ZFP36: variants seen among roughly 807,000 people sequenced by gnomAD.
ZFP36 encodes the protein mRNA decay activator protein ZFP36.
ZFP36 carries 13 observed loss-of-function variants against 19.8 expected under a neutral mutation model. The ratio of observed to expected loss-of-function variants is 0.66; its 90% CI spans 0.43 to 1.04. The LOEUF is 1.04. ZFP36 is among the 50% of genes least tolerant of loss of function. The pLI is 0.00. For missense variants in ZFP36, 354 were observed against 441.6 expected (o/e 0.80, Z 1.78); for synonymous variants, 191 against 194.5 (o/e 0.98, Z 0.15).
Position 39,407,812 on chromosome 19 carries a change from TG to T in ZFP36, c.98del (p.Gly33AlafsTer8). ...TGGAGGGACTGAGTCCAGCCCAGGC[TG>T]GGGCTCCTCGGGACCCTGGAGCCTG... ...DHGGTESSPG[W>X]GSSGPWSLSP... On this transcript the variant is annotated frameshift_variant, in exon 2 of 2. Transcript: ENST00000597629. LOFTEE classifies it high-confidence loss of function. The surrounding 1 kb of genome is among the most constrained non-coding windows in gnomAD (Gnocchi z 7.6). 2 of 1,600,230 alleles carry T rather than the reference TG, an allele frequency of 1.2e-6. No homozygotes were observed. Among genetic ancestry groups the T allele is most frequent in the Non-Finnish European group, 8.5e-7 (1 of 1,175,236 alleles).
In ZFP36 at chr19:39,407,886, C is replaced by A. The variant is rs746782749; in HGVS notation, c.168C>A (p.Gly56=). 8.1e-6 allele frequency: 13 copies of A among 1,604,114 alleles called. No homozygotes were observed. In the East Asian group the frequency reaches 2.2e-4, roughly 27 times the overall value. Residue 56 remains glycine, a synonymous_variant, in exon 2 of 2, where the codon GGC becomes GGA. Transcript: ENST00000597629. The surrounding 1 kb of genome is among the most constrained non-coding windows in gnomAD (Gnocchi z 7.6). ...CTGGGGTCACCTCCCGCCTGCCTGG[C>A]CGCTCCACCAGCCTAGTGGAGGGCC... ...SPSGVTSRLP[G]RSTSLVEGRS...
In ZFP36 at chr19:39,407,931, C is replaced by G; in HGVS notation, c.213C>G (p.Pro71=). 1 of 1,596,116 alleles carries G rather than the reference C, an allele frequency of 6.3e-7. No homozygotes were observed. Among genetic ancestry groups the G allele is most frequent in the East Asian group, 2.2e-5 (1 of 44,744 alleles). Residue 71 remains proline, a synonymous_variant, in exon 2 of 2, where the codon CCC becomes CCG. Transcript: ENST00000597629. This position sits in a 1 kb window ranked among gnomAD's most constrained non-coding sequence, Gnocchi z 7.6. ...AGGGCCGCAGCTGTGGCTGGGTGCC[C>G]CCACCCCCTGGCTTCGCACCGCTGG... ...LVEGRSCGWV[P]PPPGFAPLAP...
At position 39,407,105 on chromosome 19, in the gene ZFP36, TG is replaced by T; in HGVS notation, c.24+179del. On this transcript the variant is annotated intron_variant, in intron 1 of 1. Coordinates refer to ENST00000597629, the MANE Select transcript of ZFP36 (RefSeq NM_003407.5). This position sits in a 1 kb window ranked among gnomAD's most constrained non-coding sequence, Gnocchi z 7.6. ...TCCCGCTCAGACCAGCTTGGTGATT[TG>T]GAGGTGAAAATGGAACCCGCGACAC... 1 of 683,820 alleles carries T rather than the reference TG, an allele frequency of 1.5e-6. No individual in the cohort carries two copies. Among genetic ancestry groups the T allele is most frequent in the Non-Finnish European group, 2.3e-6 (1 of 434,310 alleles). 42.4% of individuals were successfully genotyped at this position (683,820 alleles called of 1,614,324 possible).
Position 39,408,919 on chromosome 19 carries a change from C to G in ZFP36, c.*220C>G. ...ATGATGGTGGGGGATGGAGTGTCTT[C>G]CGAGGTTCTTGGGGGAAAAAAAATT... On this transcript the variant is annotated 3_prime_UTR_variant, in exon 2 of 2. Coordinates refer to ENST00000597629, the MANE Select transcript of ZFP36 (RefSeq NM_003407.5). The surrounding 1 kb of genome is among the most constrained non-coding windows in gnomAD (Gnocchi z 6.0). The G allele has an allele frequency of 2.3e-6, 1 of 439,712 alleles. No individual in the cohort carries two copies. The highest frequency in any genetic ancestry group is 4.0e-6 in the Non-Finnish European group (1 of 252,130). 27.2% of individuals were successfully genotyped at this position (439,712 alleles called of 1,614,324 possible).
In ZFP36 at chr19:39,408,783, C is replaced by A; in HGVS notation, c.*84C>A. On this transcript the variant is annotated 3_prime_UTR_variant, in exon 2 of 2. Coordinates refer to ENST00000597629, the MANE Select transcript of ZFP36 (RefSeq NM_003407.5). This position sits in a 1 kb window ranked among gnomAD's most constrained non-coding sequence, Gnocchi z 6.0. ...TGTGGTCTCTGCATGGACCCCAGGG[C>A]TGTGGGGACTTGGGGGACAGTAATC... is the stretch of plus-strand genomic sequence containing the variant. 7.5e-7 allele frequency: 1 copy of A among 1,334,920 alleles called. No individual in the cohort carries two copies. Among genetic ancestry groups the A allele is most frequent in the Non-Finnish European group, 1.0e-6 (1 of 987,042 alleles). The allele number at this position is 1,334,920 out of a possible 1,614,324, so 82.7% of individuals were successfully genotyped here.
Position 39,408,749 on chromosome 19 carries a change from C to T in ZFP36, c.*50C>T. Reference sequence around the variant, plus strand: ...GCTGGATCTCAGCGGGGAGCCACGTCTCTTGCACTGTGGTCTCTGCATGGA... The same window carrying T: ...GCTGGATCTCAGCGGGGAGCCACGTTTCTTGCACTGTGGTCTCTGCATGGA... On this transcript the variant is annotated 3_prime_UTR_variant, in exon 2 of 2. Coordinates refer to ENST00000597629, the MANE Select transcript of ZFP36 (RefSeq NM_003407.5). This position sits in a 1 kb window ranked among gnomAD's most constrained non-coding sequence, Gnocchi z 6.0. 1 of 1,500,260 alleles carries T rather than the reference C, an allele frequency of 6.7e-7. No individual in the cohort carries two copies. Among genetic ancestry groups the T allele is most frequent in the East Asian group, 2.3e-5 (1 of 44,194 alleles). The allele number at this position is 1,500,260 out of a possible 1,614,324, so 92.9% of individuals were successfully genotyped here. A position where few individuals can be genotyped will look rare whatever the true frequency, so the allele number is the denominator to read the frequency against.
Position 39,409,083 on chromosome 19 carries a change from C to T in ZFP36, c.*384C>T. 1 of 163,666 alleles carries T rather than the reference C, an allele frequency of 6.1e-6. No homozygotes were observed. The highest frequency in any genetic ancestry group is 1.9e-4 in the South Asian group (1 of 5,376). 10.1% of individuals were successfully genotyped at this position (163,666 alleles called of 1,614,324 possible). On this transcript the variant is annotated 3_prime_UTR_variant, in exon 2 of 2. Coordinates refer to ENST00000597629, the MANE Select transcript of ZFP36 (RefSeq NM_003407.5). ...TTATAGACCTGAGGTTCCAGTGTCT[C>T]CTGGTAACTGGAACCTCTCCTGAGG... is the stretch of plus-strand genomic sequence containing the variant.
Position 39,408,591 on chromosome 19 carries a change from G to C in ZFP36, c.873G>C (p.Leu291=), listed in dbSNP as rs201358160. 6.2e-7 allele frequency: 1 copy of C among 1,613,256 alleles called. No individual in the cohort carries two copies. Among genetic ancestry groups the C allele is most frequent in the Non-Finnish European group, 8.5e-7 (1 of 1,179,690 alleles). ...AATATGCCAGCAGCGGCAGCAGCCTGGGGGGCTCTGACTCTCCCGTCTTCG... is the reference window on the plus strand; with the variant it reads ...AATATGCCAGCAGCGGCAGCAGCCTCGGGGGCTCTGACTCTCCCGTCTTCG... ...PDEYASSGSS[L]GGSDSPVFEA... The change falls in exon 2 of 2, where the codon CTG becomes CTC. Residue 291 remains leucine, a synonymous_variant. Transcript: ENST00000597629. This position sits in a 1 kb window ranked among gnomAD's most constrained non-coding sequence, Gnocchi z 6.0.
chr19:39,408,301 C>T lies in ZFP36; in HGVS notation c.583C>T (p.Arg195Trp), dbSNP rs748286388. 6.2e-6 allele frequency: 10 copies of T among 1,613,380 alleles called. No homozygotes were observed. Among genetic ancestry groups the T allele is most frequent in the Middle Eastern group, 1.7e-4 (1 of 6,060 alleles). The change falls in exon 2 of 2, where the codon CGG becomes TGG. Residue 195 changes from arginine (R) to tryptophan (W), a missense_variant. Arg to Trp is a moderately radical substitution (Grantham distance 101, BLOSUM62 -3). Coordinates refer to ENST00000597629, the MANE Select transcript of ZFP36 (RefSeq NM_003407.5). This position sits in a 1 kb window ranked among gnomAD's most constrained non-coding sequence, Gnocchi z 6.0. Reference protein sequence around the residue: ...ISFSGLPSGRRTSPPPPGLAG... With the variant: ...ISFSGLPSGRWTSPPPPGLAG... Reference sequence around the variant, plus strand: ...CTTCTCCGGCCTGCCCTCTGGCCGCCGGACCTCACCACCACCACCAGGCCT... The same window carrying T: ...CTTCTCCGGCCTGCCCTCTGGCCGCTGGACCTCACCACCACCACCAGGCCT...
Position 39,408,360 on chromosome 19 carries a change from G to T in ZFP36, c.642G>T (p.Ser214=). The part of the protein sequence containing the change: ...AGPSLSSSSF[S]PSSSPPPPGD... The stretch of plus-strand genomic sequence containing the variant: ...CTTCCCTGTCCTCCAGCTCCTTCTC[G>T]CCCTCCAGCTCCCCACCACCACCTG... Residue 214 remains serine, a synonymous_variant, in exon 2 of 2, where the codon TCG becomes TCT. Coordinates refer to ENST00000597629, the MANE Select transcript of ZFP36 (RefSeq NM_003407.5). This position sits in a 1 kb window ranked among gnomAD's most constrained non-coding sequence, Gnocchi z 6.0. The T allele has an allele frequency of 6.8e-6, 11 of 1,613,396 alleles. No individual in the cohort carries two copies. The highest frequency in any genetic ancestry group is 9.3e-6 in the Non-Finnish European group (11 of 1,179,896).
chr19:39,407,884 G>A lies in ZFP36; in HGVS notation c.166G>A (p.Gly56Ser), dbSNP rs1034803584. The part of the protein sequence containing the change: ...SPSGVTSRLP[G>S]RSTSLVEGRS... ...GTCTGGGGTCACCTCCCGCCTGCCT[G>A]GCCGCTCCACCAGCCTAGTGGAGGG... The change falls in exon 2 of 2, where the codon GGC (glycine) becomes AGC (serine). Residue 56 changes from glycine (G) to serine (S), a missense_variant. By Grantham distance (56) the Gly-to-Ser change is moderately conservative. Transcript: ENST00000597629. The surrounding 1 kb of genome is among the most constrained non-coding windows in gnomAD (Gnocchi z 7.6). The A allele has an allele frequency of 1.2e-6, 2 of 1,604,322 alleles. No homozygotes were observed. The highest frequency in any genetic ancestry group is 1.3e-5 in the African/African-American group (1 of 74,996).
At position 39,408,131 on chromosome 19, in the gene ZFP36, G is replaced by A. The variant is rs2078487024; in HGVS notation, c.413G>A (p.Arg138His). The A allele has an allele frequency of 6.2e-7, 1 of 1,613,940 alleles. No individual in the cohort carries two copies. The highest frequency in any genetic ancestry group is 8.5e-7 in the Non-Finnish European group (1 of 1,180,014). The change falls in exon 2 of 2, where the codon CGC (arginine) becomes CAC (histidine). Residue 138 changes from arginine to histidine, a missense_variant. Coordinates refer to ENST00000597629, the MANE Select transcript of ZFP36 (RefSeq NM_003407.5). The surrounding 1 kb of genome is among the most constrained non-coding windows in gnomAD (Gnocchi z 6.0). ...HGLGELRQAN[R>H]HPKYKTELCH... ...CTGGGCGAGCTGCGCCAGGCCAATC[G>A]CCACCCCAAATACAAGACGGAACTC...
In ZFP36 at chr19:39,408,909, G is replaced by A. The variant is rs867688512; in HGVS notation, c.*210G>A. On this transcript the variant is annotated 3_prime_UTR_variant, in exon 2 of 2. Coordinates refer to ENST00000597629, the MANE Select transcript of ZFP36 (RefSeq NM_003407.5). The surrounding 1 kb of genome is among the most constrained non-coding windows in gnomAD (Gnocchi z 6.0). ...CTCAGTATTCATGATGGTGGGGGAT[G>A]GAGTGTCTTCCGAGGTTCTTGGGGG... The A allele has an allele frequency of 4.8e-5, 22 of 457,300 alleles. No individual in the cohort carries two copies. In the Middle Eastern group the frequency reaches 4.0e-3, roughly 83 times the overall value. The allele number at this position is 457,300 out of a possible 1,614,324, so 28.3% of individuals were successfully genotyped here. A position where few individuals can be genotyped will look rare whatever the true frequency, so the allele number is the denominator to read the frequency against.
Position 39,408,430 on chromosome 19 carries a change from A to T in ZFP36, c.712A>T (p.Thr238Ser). Residue 238 changes from threonine (T) to serine (S), a missense_variant, in exon 2 of 2, where the codon ACC becomes TCC. Coordinates refer to ENST00000597629, the MANE Select transcript of ZFP36 (RefSeq NM_003407.5). This position sits in a 1 kb window ranked among gnomAD's most constrained non-coding sequence, Gnocchi z 6.0. ...SPSAFSAAPGTPLARRDPTPV... is the reference protein window; with the variant it reads ...SPSAFSAAPGSPLARRDPTPV... ...CTCTGCCTTCTCTGCTGCCCCTGGC[A>T]CCCCCCTGGCTCGAAGAGACCCCAC... is the stretch of plus-strand genomic sequence containing the variant. 1 of 1,612,378 alleles carries T rather than the reference A, an allele frequency of 6.2e-7. No homozygotes were observed. The highest frequency in any genetic ancestry group is 8.5e-7 in the Non-Finnish European group (1 of 1,179,290).
Position 39,408,226 on chromosome 19 carries a change from G to A in ZFP36, c.508G>A (p.Glu170Lys), listed in dbSNP as rs2078487620. ...CTGCCACTTCATCCACAACCCTAGC[G>A]AAGACCTGGCGGCCCCGGGCCACCC... ...SRCHFIHNPS[E>K]DLAAPGHPPV... The change falls in exon 2 of 2, where the codon GAA becomes AAA. Residue 170 changes from glutamate to lysine, a missense_variant. Coordinates refer to ENST00000597629, the MANE Select transcript of ZFP36 (RefSeq NM_003407.5). The surrounding 1 kb of genome is among the most constrained non-coding windows in gnomAD (Gnocchi z 6.0). The A allele has an allele frequency of 6.2e-7, 1 of 1,613,912 alleles. No individual in the cohort carries two copies. The highest frequency in any genetic ancestry group is 1.1e-5 in the South Asian group (1 of 91,086).
rs1476026306 is a variant in ZFP36, at chr19:39,408,560, C to T, written c.842C>T (p.Pro281Leu). 17 of 1,613,572 alleles carry T rather than the reference C, an allele frequency of 1.1e-5. 1 individual carries two copies. In the South Asian group the frequency reaches 1.6e-4, roughly 16 times the overall value. ...TPSVQSLGSDPDEYASSGSSL... is the reference protein window; with the variant it reads ...TPSVQSLGSDLDEYASSGSSL... ...TCTGTACAGTCCCTGGGATCCGACC[C>T]TGATGAATATGCCAGCAGCGGCAGC... is the stretch of plus-strand genomic sequence containing the variant. Residue 281 changes from proline to leucine, a missense_variant, in exon 2 of 2, where the codon CCT becomes CTT. Physicochemically the swap from Pro to Leu is moderately conservative, Grantham distance 98 (BLOSUM62 -3). Transcript: ENST00000597629. The surrounding 1 kb of genome is among the most constrained non-coding windows in gnomAD (Gnocchi z 6.0).
In ZFP36 at chr19:39,408,864, C is replaced by A; in HGVS notation, c.*165C>A. The stretch of plus-strand genomic sequence containing the variant: ...CCACTCCCCTGACCTCACGCTGGGG[C>A]AGGTCCCCAAGTGTGCAAGCTCAGT... On this transcript the variant is annotated 3_prime_UTR_variant, in exon 2 of 2. Transcript: ENST00000597629. This position sits in a 1 kb window ranked among gnomAD's most constrained non-coding sequence, Gnocchi z 6.0. 1 of 615,622 alleles carries A rather than the reference C, an allele frequency of 1.6e-6. No individual in the cohort carries two copies. Among genetic ancestry groups the A allele is most frequent in the Non-Finnish European group, 2.6e-6 (1 of 384,404 alleles). 38.1% of individuals were successfully genotyped at this position (615,622 alleles called of 1,614,324 possible).
At position 39,408,421 on chromosome 19, in the gene ZFP36, G is replaced by A; in HGVS notation, c.703G>A (p.Ala235Thr). The A allele has an allele frequency of 6.2e-7, 1 of 1,613,602 alleles. No homozygotes were observed. Among genetic ancestry groups the A allele is most frequent in the Non-Finnish European group, 8.5e-7 (1 of 1,179,788 alleles). ...LPLSPSAFSA[A>T]PGTPLARRDP... ...ACTGTCACCCTCTGCCTTCTCTGCT[G>A]CCCCTGGCACCCCCCTGGCTCGAAG... The change falls in exon 2 of 2, where the codon GCC becomes ACC. Residue 235 changes from alanine to threonine, a missense_variant. Ala to Thr is a moderately conservative substitution (Grantham distance 58). Coordinates refer to ENST00000597629, the MANE Select transcript of ZFP36 (RefSeq NM_003407.5). The surrounding 1 kb of genome is among the most constrained non-coding windows in gnomAD (Gnocchi z 6.0).
Position 39,408,151 on chromosome 19 carries a change from G to C in ZFP36, c.433G>C (p.Glu145Gln), listed in dbSNP as rs754541234. ...CAATCGCCACCCCAAATACAAGACG[G>C]AACTCTGTCACAAGTTCTACCTCCA... ...QANRHPKYKT[E>Q]LCHKFYLQGR... Residue 145 changes from glutamate (E) to glutamine (Q), a missense_variant, in exon 2 of 2, where the codon GAA becomes CAA. Transcript: ENST00000597629. This position sits in a 1 kb window ranked among gnomAD's most constrained non-coding sequence, Gnocchi z 6.0. The C allele has an allele frequency of 6.2e-7, 1 of 1,613,952 alleles. No homozygotes were observed. Among genetic ancestry groups the C allele is most frequent in the East Asian group, 2.2e-5 (1 of 44,880 alleles).
Sources: gnomAD v4.1 joint callset for allele counts on GRCh38, gnomAD v4.1.1 for gene constraint, Gnocchi (gnomAD v3.1) non-coding constraint, MANE v1.5 for transcripts, NCBI Gene and HGNC (gene_info 2026-07-23, HGNC 2026-07-21) for gene names.